Variants in BRINP3 observed in about 807,000 individuals in gnomAD.
BRINP3 encodes BMP/retinoic acid-inducible neural-specific protein 3.
BRINP3 carries 19 observed loss-of-function variants against 71.0 expected under a neutral mutation model. That is an observed-to-expected ratio of 0.27 (90% CI 0.19 to 0.39). The LOEUF (loss-of-function observed/expected upper bound fraction) is 0.39. BRINP3 is among the 10% of genes least tolerant of loss of function. The pLI, the probability that BRINP3 is intolerant of heterozygous loss-of-function variation, is 1.00. For synonymous variants in BRINP3, 380 were observed against 337.7 expected (o/e 1.13, Z -1.37); for missense variants, 959 against 940.8 (o/e 1.02, Z -0.25).
chr1:190,140,235 G>A (rs1381940860), intron 7 of BRINP3, among the ~76,000 whole-genome samples: 1 of 152,040 alleles, frequency 6.6e-6, no homozygotes, highest in Non-Finnish European at 1.5e-5. Context: ...TGTTCATGTT[G>A]AAGCGAATCT....
At chr1:190,114,428 T>C (rs1265735405) in intron 7 of BRINP3, among the ~76,000 whole-genome samples, 1 of 151,994 alleles carries the variant, frequency 6.6e-6, no homozygotes, top group Non-Finnish European at 1.5e-5. Flanking sequence ...TAGATTATAG[T>C]AACTATAAAG....
In BRINP3 at chr1:190,331,332, A is replaced by G. The variant is rs532996182; in HGVS notation, c.237-49582T>C. On this transcript the variant is annotated intron_variant, in intron 2 of 7. Transcript: ENST00000367462. ...CCAAAGACTTTTTTTTAACCTATGC[A>G]TAATAACCACTTGAAAGCTTGAACT... Among the ~76,000 whole-genome samples, 111 of 152,132 alleles carry G rather than the reference A, an allele frequency of 7.3e-4. 1 individual carries two copies. The highest frequency in any genetic ancestry group is 2.6e-3 in the African/African-American group (109 of 41,558).
Position 190,274,008 on chromosome 1 carries a change from G to A in BRINP3, c.427+7552C>T, listed in dbSNP as rs1014999821. Among the ~76,000 whole-genome samples the A allele has an allele frequency of 2.6e-5, 4 of 151,692 alleles. No individual in the cohort carries two copies. In the East Asian group the frequency reaches 7.7e-4, roughly 29 times the overall value. On this transcript the variant is annotated intron_variant, in intron 3 of 7. Transcript: ENST00000367462. ...TTTATTCTGATATTAGAAGGAAGGA[G>A]AATGCTGTGATCAGTGAAATGCAAG...
chr1:190,150,424 A>G (rs893194354), intron 7 of BRINP3, among the ~76,000 whole-genome samples: 1 of 152,184 alleles, frequency 6.6e-6, no homozygotes, highest in East Asian at 1.9e-4. Context: ...TGCGTACTGC[A>G]TCTAAGTGGT....
chr1:190,399,087 T>C (rs1671763842), intron 2 of BRINP3, among the ~76,000 whole-genome samples: 1 of 152,024 alleles, frequency 6.6e-6, no homozygotes, highest in African/African-American at 2.4e-5. Context: ...CTCATTGATG[T>C]ATTTTTGTGC....
chr1:190,448,185 A>G (rs912463357), intron 2 of BRINP3, among the ~76,000 whole-genome samples: 1 of 151,714 alleles, frequency 6.6e-6, no homozygotes, highest in African/African-American at 2.4e-5. Context: ...TTTCTGAGCA[A>G]ACAGTTTAAT....
intron 3 of BRINP3, among the ~76,000 whole-genome samples, chr1:190,272,167 G>A (rs947768221): frequency 3.3e-5 from 5 of 151,420 alleles, no homozygotes; most frequent in South Asian, 2.1e-4. Context: ...TACTTCTGTC[G>A]TGAAGAATAT....
chr1:190,457,460 A>AAAAACAAAACAAAACAAAACAAAAC (rs71561668), intron 1 of BRINP3, among the ~76,000 whole-genome samples: 8 of 151,230 alleles, frequency 5.3e-5, no homozygotes, highest in African/African-American at 1.5e-4. Context: ...ACACAAAAAC[A>AAAAACAAAACAAAACAAAACAAAAC]AAAACAAAAC....
chr1:190,252,830 A>T (rs899920419), intron 4 of BRINP3, among the ~76,000 whole-genome samples: 1 of 151,850 alleles, frequency 6.6e-6, no homozygotes. Context: ...TGTGCACAAC[A>T]TGCAGGTTTG....
At chr1:190,375,503 T>C (rs576754714) in intron 2 of BRINP3, among the ~76,000 whole-genome samples, 1 of 151,878 alleles carries the variant, frequency 6.6e-6, no homozygotes, top group Admixed American at 6.6e-5. Context: ...ACAAACTGAA[T>C]AAAAGCAGTT....
intron 2 of BRINP3, among the ~76,000 whole-genome samples, chr1:190,426,178 G>A (rs1177122817): frequency 6.6e-6 from 1 of 151,622 alleles, no homozygotes; most frequent in African/African-American, 2.4e-5. Context: ...ATAATTTCGA[G>A]GATTGTTTCT....
intron 7 of BRINP3, among the ~76,000 whole-genome samples, chr1:190,130,421 G>A (rs776586007): frequency 4.0e-5 from 6 of 151,622 alleles, no homozygotes; most frequent in African/African-American, 9.7e-5. Flanking sequence ...AAACTTTTTC[G>A]CTGATTTCAT....
At chr1:190,252,086 TA>T (rs1368701758) in intron 4 of BRINP3, among the ~76,000 whole-genome samples, 1 of 152,064 alleles carries the variant, frequency 6.6e-6, no homozygotes, top group African/African-American at 2.4e-5. Flanking sequence ...TTTGTAAAGA[TA>T]TTTTTTTCCT....
At chr1:190,445,744 A>T (rs1469442889) in intron 2 of BRINP3, among the ~76,000 whole-genome samples, 2 of 152,182 alleles carry the variant, frequency 1.3e-5, no homozygotes, top group South Asian at 4.1e-4. Context: ...ACAAAAGAGA[A>T]CAAGCCTGAT....
At chr1:190,434,115 T>G (rs923718089) in intron 2 of BRINP3, among the ~76,000 whole-genome samples, 11 of 151,942 alleles carry the variant, frequency 7.2e-5, no homozygotes, top group African/African-American at 2.7e-4. Flanking sequence ...TATTTATTTA[T>G]TTTTATTTAT....
At chr1:190,127,690 A>C (rs759569126) in intron 7 of BRINP3, among the ~76,000 whole-genome samples, 1 of 151,878 alleles carries the variant, frequency 6.6e-6, no homozygotes, top group African/African-American at 2.4e-5. Flanking sequence ...AGAAAGACTT[A>C]GTAAAGATTG....
intron 2 of BRINP3, among the ~76,000 whole-genome samples, chr1:190,358,480 T>C (rs1668894425): frequency 6.6e-6 from 1 of 152,110 alleles, no homozygotes; most frequent in Non-Finnish European, 1.5e-5. Flanking sequence ...TCACACCAGT[T>C]AGAATCGCGA....
chr1:190,194,259 G>C (rs1339092422), intron 6 of BRINP3, among the ~76,000 whole-genome samples: 1 of 152,054 alleles, frequency 6.6e-6, no homozygotes, highest in Non-Finnish European at 1.5e-5. Context: ...AAAGCTGGAA[G>C]AAGCAAGAAA....
rs149731619 is a variant in BRINP3 at position 190,246,508 on chromosome 1, G to GA, written c.619-12032dup. On this transcript the variant is annotated intron_variant, in intron 4 of 7. Coordinates refer to ENST00000367462, the MANE Select transcript of BRINP3 (RefSeq NM_199051.3). ...CTTAACACTAAAATGCACCAAGTTA[G>GA]AAAAAAAAAATCAGACAGGAGAAAA... Among the ~76,000 whole-genome samples the GA allele has an allele frequency of 5.0e-4, 74 of 147,996 alleles. 2 individuals carry two copies. The highest frequency in any genetic ancestry group is 1.4e-3 in the African/African-American group (57 of 40,544).
Sources: allele counts gnomAD v4.1 joint callset (sites outside exome capture counted in the v4.1 genomes callset), GRCh38; gene constraint gnomAD v4.1.1; transcripts MANE v1.5; gene names NCBI Gene and HGNC (gene_info 2026-07-23, HGNC 2026-07-21).